The following FAM135A variants were observed in gnomAD, a reference collection of about 807,000 sequenced individuals.
FAM135A encodes protein FAM135A.
FAM135A carries 79 observed loss-of-function variants against 146.8 expected under a neutral mutation model. The observed-to-expected ratio is 0.54, with a 90% CI of 0.45 to 0.65. The LOEUF (loss-of-function observed/expected upper bound fraction) is 0.65. FAM135A is among the 30% of genes least tolerant of loss of function. FAM135A has a pLI of 0.00. For missense variants in FAM135A, 1,623 were observed against 1,758.2 expected, an observed-to-expected ratio of 0.92 and a Z score of 1.38; for synonymous variants, 562 against 603.6, an observed-to-expected ratio of 0.93 and a Z score of 1.01.
intron 12 of FAM135A, among the ~76,000 whole-genome samples, chr6:70,521,433 A>G (rs1161599007): frequency 6.6e-6 from 1 of 152,238 alleles, no homozygotes; most frequent in African/African-American, 2.4e-5. Context: ...TTTGGACCAC[A>G]TATGAAAGTA....
Position 70,559,996 on chromosome 6 carries a change from A to G in FAM135A, c.*75A>G. 8.6e-7 allele frequency: 1 copy of G among 1,157,872 alleles called. No homozygotes were observed. 71.7% of individuals were successfully genotyped at this position (1,157,872 alleles called of 1,614,324 possible). On this transcript the variant is annotated 3_prime_UTR_variant, in exon 22 of 22. Coordinates refer to ENST00000418814, the MANE Select transcript of FAM135A (RefSeq NM_001162529.3). ...CAAATAATGTATTATATTAAAATGT[A>G]GATGCTGATAAGTTCTAAGAAATAT...
At chr6:70,546,365 T>G (rs1475808466) in intron 20 of FAM135A, among the ~76,000 whole-genome samples, 2 of 152,198 alleles carry the variant, frequency 1.3e-5, no homozygotes, top group Non-Finnish European at 1.5e-5. Flanking sequence ...GAACAGCGAA[T>G]TTTCCGTTCT....
chr6:70,526,857 C>G (rs563395755), intron 15 of FAM135A, among the ~76,000 whole-genome samples, 159 bp downstream of exon 15: 1 of 150,960 alleles, frequency 6.6e-6, no homozygotes, highest in African/African-American at 2.4e-5. Flanking sequence ...ATTTTGTTGT[C>G]TGGTTTCTGT....
At chr6:70,414,537 C>T (rs1156844743) in intron 1 of FAM135A, among the ~76,000 whole-genome samples, 1 of 145,418 alleles carries the variant, frequency 6.9e-6, no homozygotes, top group Non-Finnish European at 1.5e-5. Context: ...TTGTATAAGT[C>T]AAGCCTCTTA....
chr6:70,543,027 A>G (rs1049114556), intron 20 of FAM135A, among the ~76,000 whole-genome samples: 5 of 152,202 alleles, frequency 3.3e-5, no homozygotes, highest in African/African-American at 1.2e-4. Flanking sequence ...AGGATCTGTC[A>G]TGACTACTCA....
chr6:70,554,083 A>T (rs1800363172), intron 20 of FAM135A, among the ~76,000 whole-genome samples: 1 of 152,192 alleles, frequency 6.6e-6, no homozygotes, highest in Admixed American at 6.5e-5. Context: ...TGGCAAGAAA[A>T]GCAGGCCAGA....
intron 4 of FAM135A, among the ~76,000 whole-genome samples, chr6:70,430,284 C>A (rs1771241913): frequency 6.6e-6 from 1 of 151,948 alleles, no homozygotes; most frequent in African/African-American, 2.4e-5. Flanking sequence ...TTTCAGTGAG[C>A]CGACACGGTG....
Position 70,526,630 on chromosome 6 carries a change from C to G in FAM135A, c.3546C>G (p.Ser1182Arg). ...TTGATGCCATTACAAAGCAGCCAAG[C>G]AGTACTTCTTACAACTTCACTTCTT... is the stretch of plus-strand genomic sequence containing the variant. ...SKFDAITKQP[S>R]STSYNFTSSI... The change falls in exon 15 of 22, where the codon AGC becomes AGG. Residue 1182 changes from serine (S) to arginine (R), a missense_variant. Transcript: ENST00000418814. 6.2e-7 allele frequency: 1 copy of G among 1,612,678 alleles called. No homozygotes were observed. The highest frequency in any genetic ancestry group is 8.5e-7 in the Non-Finnish European group (1 of 1,179,480).
At chr6:70,473,744 C>CA (rs1209921350) in intron 5 of FAM135A, among the ~76,000 whole-genome samples, 1 of 152,232 alleles carries the variant, frequency 6.6e-6, no homozygotes, top group East Asian at 1.9e-4. Flanking sequence ...GGCCTTGTGC[C>CA]AGGAGTTCCT....
chr6:70,486,875 C>T (rs559238083), intron 10 of FAM135A, among the ~76,000 whole-genome samples: 17 of 151,976 alleles, frequency 1.1e-4, no homozygotes, highest in African/African-American at 3.6e-4. Flanking sequence ...TGCAGTGAGC[C>T]GAGATCGTGC....
At chr6:70,516,945 G>A (rs1792413832) in intron 12 of FAM135A, among the ~76,000 whole-genome samples, 1 of 152,054 alleles carries the variant, frequency 6.6e-6, no homozygotes, top group African/African-American at 2.4e-5. Context: ...TCTTTACAAT[G>A]ATGCATTATT....
At chr6:70,444,132 C>T (rs184544797) in intron 4 of FAM135A, among the ~76,000 whole-genome samples, 9 of 152,130 alleles carry the variant, frequency 5.9e-5, no homozygotes, top group East Asian at 5.8e-4. Flanking sequence ...GGGCTGGGTG[C>T]GGTGGCTCAC....
At chr6:70,458,811 G>C (rs1778873295) in intron 5 of FAM135A, among the ~76,000 whole-genome samples, 1 of 151,978 alleles carries the variant, frequency 6.6e-6, no homozygotes, top group Non-Finnish European at 1.5e-5. Flanking sequence ...GAAAAAACAA[G>C]GCAAAGAAGG....
At chr6:70,436,209 G>A (rs1773115108) in intron 4 of FAM135A, among the ~76,000 whole-genome samples, 1 of 151,606 alleles carries the variant, frequency 6.6e-6, no homozygotes, top group Admixed American at 6.6e-5. Flanking sequence ...AAAAGTTCAG[G>A]AATTGAGGAC....
chr6:70,500,678 T>C (rs1326165010), intron 11 of FAM135A, among the ~76,000 whole-genome samples: 1 of 152,218 alleles, frequency 6.6e-6, no homozygotes, highest in Non-Finnish European at 1.5e-5. Flanking sequence ...GGGGGTCCTT[T>C]TTGTTGATGT....
intron 10 of FAM135A, among the ~76,000 whole-genome samples, chr6:70,485,335 C>G (rs980104338): frequency 1.3e-5 from 2 of 151,766 alleles, no homozygotes; most frequent in Non-Finnish European, 2.9e-5. Context: ...TTTTATTTTC[C>G]TTTCTCTTTA....
chr6:70,516,437 G>T (rs1792230866), intron 12 of FAM135A, among the ~76,000 whole-genome samples: 1 of 151,720 alleles, frequency 6.6e-6, no homozygotes, highest in Non-Finnish European at 1.5e-5. Flanking sequence ...TTCTAATGTG[G>T]ACCCATTACC....
chr6:70,437,741 T>TA (rs1773510482), intron 4 of FAM135A, among the ~76,000 whole-genome samples: 1 of 152,052 alleles, frequency 6.6e-6, no homozygotes, highest in Non-Finnish European at 1.5e-5. Context: ...TTGTAGAAAA[T>TA]AGGCTTTGAA....
intron 11 of FAM135A, among the ~76,000 whole-genome samples, chr6:70,501,929 AATAACAGTATTTT>A (rs1788656853): frequency 6.6e-6 from 1 of 152,216 alleles, no homozygotes; most frequent in Non-Finnish European, 1.5e-5. Flanking sequence ...ATCATGTCCT[AATAACAGTATTTT>A]ATAATAGTTT....
Sources: gnomAD v4.1 joint callset for allele counts (sites outside exome capture counted in the v4.1 genomes callset) on GRCh38, gnomAD v4.1.1 for gene constraint, MANE v1.5 for transcripts, NCBI Gene and HGNC (gene_info 2026-07-23, HGNC 2026-07-21) for gene names.